The following NECTIN1 variants were observed in gnomAD, a reference collection of about 807,000 sequenced individuals.
NECTIN1 encodes the protein nectin cell adhesion molecule 1, also known as nectin-1.
In NECTIN1, 23 loss-of-function variants were observed where a neutral mutation model predicts 48.0. The ratio of observed to expected loss-of-function variants is 0.48; its 90% confidence interval spans 0.34 to 0.68. The LOEUF is 0.68. Among genes scored for constraint, NECTIN1 ranks in the 30% least tolerant of loss-of-function variants. The probability of loss-of-function intolerance (pLI) is 0.01; values close to 1 mark genes in which losing one functional copy is unlikely to be tolerated. For missense variants in NECTIN1, 591 were observed against 709.9 expected, an observed-to-expected ratio of 0.83 and a Z score of 1.90; for synonymous variants, 270 against 288.9, an observed-to-expected ratio of 0.93 and a Z score of 0.66.
rs964715355 is a variant in NECTIN1, at chr11:119,662,350, T to G, written c.*2397A>C. ...GCTGACTCCTGCCTCATGCCCACCC[T>G]CAGCCCAGGCTGGCAGCTGCTCGGT... On this transcript the variant is annotated 3_prime_UTR_variant, in exon 6 of 6. Coordinates refer to ENST00000264025, the MANE Select transcript of NECTIN1 (RefSeq NM_002855.5). The surrounding 1 kb of genome is among the most constrained non-coding windows in gnomAD (Gnocchi z 5.3). 1.2e-5 allele frequency: 12 copies of G among 985,686 alleles called. No homozygotes were observed. The highest frequency in any genetic ancestry group is 1.7e-5 in the African/African-American group (1 of 57,192). 61.1% of individuals were successfully genotyped at this position (985,686 alleles called of 1,614,324 possible).
downstream of NECTIN1, chr11:119,660,882 T>G (rs1335073827): frequency 1.9e-6 from 1 of 526,568 alleles, no homozygotes; most frequent in Non-Finnish European, 2.4e-6. Flanking sequence ...AACCTGGACA[T>G]GGGGTGGGGG....
intron 1 of NECTIN1, among the ~76,000 whole-genome samples, chr11:119,686,923 C>T (rs1281459674): frequency 6.6e-6 from 1 of 152,170 alleles, no homozygotes; most frequent in Admixed American, 6.5e-5. Context: ...ATGGGAAACA[C>T]AGGGGGCCCA....
chr11:119,716,913 T>G (rs1389851738), intron 1 of NECTIN1, among the ~76,000 whole-genome samples: 1 of 152,196 alleles, frequency 6.6e-6, no homozygotes, highest in African/African-American at 2.4e-5. Flanking sequence ...ACACACACCA[T>G]AAACCTTCCT....
intron 1 of NECTIN1, chr11:119,713,714 A>T: frequency 2.6e-6 from 1 of 381,030 alleles, no homozygotes; most frequent in Non-Finnish European, 5.2e-6. Flanking sequence ...GGCCTGGATG[A>T]CCTGAGGGGC....
intron 5 of NECTIN1, among the ~76,000 whole-genome samples, chr11:119,671,366 C>T (rs1864859434): frequency 6.6e-6 from 1 of 152,050 alleles, no homozygotes; most frequent in African/African-American, 2.4e-5. Flanking sequence ...GCAGCTTGTC[C>T]CTATTCCTGA....
chr11:119,664,984 C>T lies in NECTIN1; in HGVS notation c.1317G>A (p.Glu439=). ...CTCCACCGCCCTCCTCCTCCTCCTCCTCCTCCTCATAGCTGCTTCCACCCA... is the reference window on the plus strand; with the variant it reads ...CTCCACCGCCCTCCTCCTCCTCCTCTTCCTCCTCATAGCTGCTTCCACCCA... The part of the protein sequence containing the change: ...GPLGGSSYEE[E]EEEEEGGGGG... The change falls in exon 6 of 6, where the codon GAG becomes GAA. Residue 439 remains glutamate (E), a synonymous_variant. Coordinates refer to ENST00000264025, the MANE Select transcript of NECTIN1 (RefSeq NM_002855.5). The T allele has an allele frequency of 1.2e-6, 2 of 1,613,836 alleles. No homozygotes were observed. Among genetic ancestry groups the T allele is most frequent in the East Asian group, 2.2e-5 (1 of 44,872 alleles).
intron 5 of NECTIN1, among the ~76,000 whole-genome samples, chr11:119,655,848 C>T (rs909419646): frequency 6.6e-6 from 1 of 152,078 alleles, no homozygotes; most frequent in African/African-American, 2.4e-5. Flanking sequence ...GAAGGAAAAC[C>T]CCTGTCTTGG....
intron 5 of NECTIN1, among the ~76,000 whole-genome samples, chr11:119,651,948 G>T (rs1591440863): frequency 6.6e-6 from 1 of 152,068 alleles, no homozygotes; most frequent in South Asian, 2.1e-4. Context: ...AGAGGCAAAG[G>T]GCCTTGCTCA....
chr11:119,726,067 A>G (rs1865902586), intron 1 of NECTIN1, among the ~76,000 whole-genome samples: 1 of 152,210 alleles, frequency 6.6e-6, no homozygotes, highest in Non-Finnish European at 1.5e-5. Context: ...TTACACTTCA[A>G]TAGCCAGATT....
At position 119,663,849 on chromosome 11, in the gene NECTIN1, G is replaced by A; in HGVS notation, c.*898C>T. ...GGCAGACCCCATTCTCAGCTTAAAGGGGGAATGAGGTGGAAATAGACGGGT... is the reference window on the plus strand; with the variant it reads ...GGCAGACCCCATTCTCAGCTTAAAGAGGGAATGAGGTGGAAATAGACGGGT... On this transcript the variant is annotated 3_prime_UTR_variant, in exon 6 of 6. Coordinates refer to ENST00000264025, the MANE Select transcript of NECTIN1 (RefSeq NM_002855.5). 1 of 985,646 alleles carries A rather than the reference G, an allele frequency of 1.0e-6. No homozygotes were observed. Among genetic ancestry groups the A allele is most frequent in the Non-Finnish European group, 1.2e-6 (1 of 830,066 alleles). The allele number at this position is 985,646 out of a possible 1,614,324, so 61.1% of individuals were successfully genotyped here.
At chr11:119,653,528 T>A (rs1380417296) in intron 5 of NECTIN1, among the ~76,000 whole-genome samples, 1 of 152,068 alleles carries the variant, frequency 6.6e-6, no homozygotes, top group Non-Finnish European at 1.5e-5. Flanking sequence ...TGGTGGGTCG[T>A]GGTGCGAGAC....
rs775114352 is a variant in NECTIN1, at chr11:119,665,193, C to T, written c.1108G>A (p.Val370Met). ...AGGGCGACCACGATCCCGCCGACCA[C>T]AATCAACACCAGCAGGATGCTCCCC... is the stretch of plus-strand genomic sequence containing the variant. The part of the protein sequence containing the change: ...VAGSILLVLI[V>M]VGGIVVALRR... The change falls in exon 6 of 6, where the codon GTG (valine) becomes ATG (methionine). Residue 370 changes from valine to methionine, a missense_variant. Val to Met is a conservative substitution (Grantham distance 21). Transcript: ENST00000264025. This position sits in a 1 kb window ranked among gnomAD's most constrained non-coding sequence, Gnocchi z 5.1. 1.2e-6 allele frequency: 2 copies of T among 1,608,316 alleles called. No homozygotes were observed. The highest frequency in any genetic ancestry group is 2.2e-5 in the South Asian group (2 of 91,052).
intron 4 of NECTIN1, 26 bp from the exon 5 acceptor site, chr11:119,675,336 AG>A (rs756204961): frequency 6.2e-7 from 1 of 1,614,090 alleles, no homozygotes; most frequent in Admixed American, 1.7e-5. Context: ...GACACAGCGT[AG>A]GGTTATGACT....
rs1219701782 is a variant in NECTIN1, at chr11:119,683,329, C to A, written c.80-4564G>T. Among the ~76,000 whole-genome samples, 2 of 152,150 alleles carry A rather than the reference C, an allele frequency of 1.3e-5. No individual in the cohort carries two copies. Among genetic ancestry groups the A allele is most frequent in the Non-Finnish European group, 2.9e-5 (2 of 68,032 alleles). Reference sequence around the variant, plus strand: ...GGATTAGGTCACCTGCTCAGGGACACAGAACAGCAGCACCCAGCCCAGTGC... The same window carrying A: ...GGATTAGGTCACCTGCTCAGGGACAAAGAACAGCAGCACCCAGCCCAGTGC... On this transcript the variant is annotated intron_variant, in intron 1 of 5. Coordinates refer to ENST00000264025, the MANE Select transcript of NECTIN1 (RefSeq NM_002855.5). This position sits in a 1 kb window ranked among gnomAD's most constrained non-coding sequence, Gnocchi z 4.0.
At chr11:119,690,926 A>G (rs1216286229) in intron 1 of NECTIN1, among the ~76,000 whole-genome samples, 1 of 151,826 alleles carries the variant, frequency 6.6e-6, no homozygotes, top group Non-Finnish European at 1.5e-5. Context: ...CCCAACCCCG[A>G]TTCTCTCCCC....
intron 1 of NECTIN1, among the ~76,000 whole-genome samples, chr11:119,707,559 G>A (rs1208844560): frequency 6.6e-6 from 1 of 151,994 alleles, no homozygotes; most frequent in African/African-American, 2.4e-5. Flanking sequence ...GCCCATGTAG[G>A]CAGTTCCTAG....
At chr11:119,670,830 G>T (rs1170648616) in intron 5 of NECTIN1, among the ~76,000 whole-genome samples, 1 of 151,660 alleles carries the variant, frequency 6.6e-6, no homozygotes. Context: ...GTAGAGACGG[G>T]GTTTCACAAC....
chr11:119,658,302 T>C (rs995087024), downstream of NECTIN1, among the ~76,000 whole-genome samples: 3 of 151,360 alleles, frequency 2.0e-5, no homozygotes, highest in Non-Finnish European at 4.4e-5. Context: ...CATCTGGGAG[T>C]AGTTCTGGGG....
intron 1 of NECTIN1, chr11:119,712,884 A>ACACATAGTGCCTGG (rs1865678229): frequency 6.6e-6 from 1 of 152,178 alleles, no homozygotes; most frequent in African/African-American, 2.4e-5. Context: ...TTTTTTCTTG[A>ACACATAGTGCCTGG]CACATAGTGC....
Sources: allele counts gnomAD v4.1 joint callset (sites outside exome capture counted in the v4.1 genomes callset), GRCh38; gene constraint gnomAD v4.1.1; non-coding constraint Gnocchi (gnomAD v3.1); transcripts MANE v1.5; gene names NCBI Gene and HGNC (gene_info 2026-07-23, HGNC 2026-07-21).